MAGI2: variants seen among roughly 807,000 people sequenced by gnomAD.
MAGI2 encodes membrane-associated guanylate kinase, WW and PDZ domain-containing protein 2.
In MAGI2, 35 loss-of-function variants were observed where a neutral mutation model predicts 133.3. The observed-to-expected ratio is 0.26, with a 90% confidence interval of 0.20 to 0.35. The LOEUF is 0.35. MAGI2 is among the 10% of genes least tolerant of loss of function. MAGI2 has a pLI of 1.00. For missense variants in MAGI2, 1,636 were observed against 1,863.4 expected (o/e 0.88, Z 2.25); for synonymous variants, 729 against 710.6 (o/e 1.03, Z -0.41).
chr7:78,137,909 C>T (rs1822326110), intron 16 of MAGI2, among the ~76,000 whole-genome samples: 1 of 92,160 alleles, frequency 1.1e-5, no homozygotes, highest in African/African-American at 4.2e-5. Flanking sequence ...CTACCTGAGC[C>T]AAGCACTGTG....
rs1224931112 is a variant in MAGI2 at position 78,317,750 on chromosome 7, A to G, written c.1408+26028T>C. On this transcript the variant is annotated intron_variant, in intron 9 of 21. Coordinates refer to ENST00000354212, the MANE Select transcript of MAGI2 (RefSeq NM_012301.4). The stretch of plus-strand genomic sequence containing the variant: ...CTCATACAGGAGAGCTCTGGTTGGC[A>G]TATGGTGGGTGCCCCACTAGGATGA... Among the ~76,000 whole-genome samples, 3 of 152,298 alleles carry G rather than the reference A, an allele frequency of 2.0e-5. No individual in the cohort carries two copies. The East Asian group carries it at 5.8e-4, about 29-fold the overall frequency.
At chr7:78,477,868 T>C (rs1284803775) in intron 6 of MAGI2, among the ~76,000 whole-genome samples, 1 of 151,956 alleles carries the variant, frequency 6.6e-6, no homozygotes, top group African/African-American at 2.4e-5. Flanking sequence ...CTGAGAATAT[T>C]TGAGAATATT....
At chr7:78,769,115 C>G (rs1169243942) in intron 2 of MAGI2, among the ~76,000 whole-genome samples, 4 of 152,178 alleles carry the variant, frequency 2.6e-5, no homozygotes, top group African/African-American at 9.7e-5. Context: ...TAGTACAGGA[C>G]AGTAGTACAT....
At chr7:79,385,477 T>G (rs1471105196) in intron 1 of MAGI2, among the ~76,000 whole-genome samples, 5 of 151,982 alleles carry the variant, frequency 3.3e-5, no homozygotes, top group Non-Finnish European at 4.4e-5. Flanking sequence ...TCCACTGTAT[T>G]GCATTTAACA....
intron 1 of MAGI2, among the ~76,000 whole-genome samples, chr7:79,115,297 A>C (rs1263120373): frequency 2.6e-5 from 4 of 152,248 alleles, no homozygotes; most frequent in Non-Finnish European, 5.9e-5. Context: ...CAGACAAGAT[A>C]AACTCTAAAG....
intron 16 of MAGI2, among the ~76,000 whole-genome samples, chr7:78,147,657 C>A (rs946693341): frequency 6.6e-6 from 1 of 151,868 alleles, no homozygotes; most frequent in Non-Finnish European, 1.5e-5. Flanking sequence ...TGAAAAAAAA[C>A]TCCTTGGCAA....
intron 10 of MAGI2, among the ~76,000 whole-genome samples, chr7:78,210,779 CA>C (rs1787694093): frequency 1.3e-5 from 2 of 152,098 alleles, no homozygotes; most frequent in Admixed American, 1.3e-4. Flanking sequence ...AAGAAAGCTT[CA>C]AGAAGTAGTA....
At position 78,956,054 on chromosome 7, in the gene MAGI2, C is replaced by A. The variant is rs188587137; in HGVS notation, c.418+51036G>T. ...CACAGTTCCTACAGTAAGAAACATACAGTACTAGTGGTAAAGAGGGACAGG... is the reference window on the plus strand; with the variant it reads ...CACAGTTCCTACAGTAAGAAACATAAAGTACTAGTGGTAAAGAGGGACAGG... On this transcript the variant is annotated intron_variant, in intron 2 of 21. Transcript: ENST00000354212. Among the ~76,000 whole-genome samples the A allele has an allele frequency of 3.0e-4, 46 of 151,766 alleles. No individual in the cohort carries two copies. The South Asian group carries it at 6.7e-3, about 22-fold the overall frequency.
chr7:78,106,007 C>G (rs900152674), intron 20 of MAGI2, among the ~76,000 whole-genome samples: 7 of 152,050 alleles, frequency 4.6e-5, no homozygotes, highest in African/African-American at 1.7e-4. Context: ...TTTCCCCCTT[C>G]TGCCTGCTTC....
chr7:78,272,421 T>G (rs1794671545), intron 9 of MAGI2, among the ~76,000 whole-genome samples: 2 of 152,224 alleles, frequency 1.3e-5, no homozygotes, highest in Admixed American at 1.3e-4. Context: ...ATTCTGTTGA[T>G]TTCAGGTGGA....
chr7:78,501,484 C>CTTTTTTTTTTTT (rs554529806), intron 5 of MAGI2, 93 bp downstream of exon 5: 3 of 779,816 alleles, frequency 3.8e-6, no homozygotes, highest in Non-Finnish European at 3.9e-6. Context: ...ATGTTTTTTT[C>CTTTTTTTTTTTT]TTTTTTTTTT....
intron 2 of MAGI2, among the ~76,000 whole-genome samples, chr7:78,654,225 C>T (rs929001626): frequency 1.3e-5 from 2 of 152,156 alleles, no homozygotes; most frequent in Non-Finnish European, 2.9e-5. Context: ...GGACAAATTT[C>T]TTACTCTGTG....
chr7:78,311,104 A>C (rs1798664582), intron 9 of MAGI2, among the ~76,000 whole-genome samples: 1 of 152,224 alleles, frequency 6.6e-6, no homozygotes, highest in Non-Finnish European at 1.5e-5. Flanking sequence ...TGAGAAACCA[A>C]AGAGCTGCCA....
chr7:78,670,415 TAA>T (rs988908545), intron 2 of MAGI2, among the ~76,000 whole-genome samples: 1 of 152,074 alleles, frequency 6.6e-6, no homozygotes, highest in African/African-American at 2.4e-5. Flanking sequence ...TGCAATGAAA[TAA>T]AAGACGATAC....
intron 2 of MAGI2, among the ~76,000 whole-genome samples, chr7:78,779,552 T>C (rs1207565132): frequency 6.6e-6 from 1 of 152,214 alleles, no homozygotes; most frequent in Non-Finnish European, 1.5e-5. Flanking sequence ...CACAGAATAG[T>C]TGAGAAAGTT....
At chr7:78,632,867 A>T (rs1188583171) in intron 2 of MAGI2, among the ~76,000 whole-genome samples, 1 of 152,240 alleles carries the variant, frequency 6.6e-6, no homozygotes, top group Non-Finnish European at 1.5e-5. Context: ...CAGAACTACC[A>T]TTCAACCCAG....
intron 2 of MAGI2, among the ~76,000 whole-genome samples, chr7:78,782,688 G>A (rs1316749454): frequency 6.6e-6 from 1 of 152,108 alleles, no homozygotes; most frequent in African/African-American, 2.4e-5. Context: ...AAGAAAAATA[G>A]GGGATGGTGA....
At chr7:78,403,199 G>A (rs1356439141) in intron 6 of MAGI2, among the ~76,000 whole-genome samples, 1 of 150,412 alleles carries the variant, frequency 6.6e-6, no homozygotes, top group Non-Finnish European at 1.5e-5. Context: ...CCCTTCCTGT[G>A]TCCAAGTGTT....
intron 2 of MAGI2, among the ~76,000 whole-genome samples, chr7:78,894,177 G>A (rs371713388): frequency 3.3e-5 from 5 of 152,152 alleles, no homozygotes; most frequent in Admixed American, 6.5e-5. Context: ...CGAGGCAGGC[G>A]GATCACAAGG....
Sources: gnomAD v4.1 joint callset for allele counts (sites outside exome capture counted in the v4.1 genomes callset) on GRCh38, gnomAD v4.1.1 for gene constraint, MANE v1.5 for transcripts, NCBI Gene and HGNC (gene_info 2026-07-23, HGNC 2026-07-21) for gene names.